LYPD6B: variants seen among roughly 807,000 people sequenced by gnomAD.
The protein encoded by LYPD6B is LY6/PLAUR domain containing 6B.
LYPD6B carries 17 observed loss-of-function variants against 22.8 expected under a neutral mutation model. The ratio of observed to expected loss-of-function variants is 0.75; its 90% CI spans 0.51 to 1.12. The LOEUF (loss-of-function observed/expected upper bound fraction) is 1.12. Ranked by LOEUF, LYPD6B falls within the 50% of genes most tolerant of loss-of-function variation. The pLI is 0.00. For missense variants in LYPD6B, 221 were observed against 258.3 expected (o/e 0.86, Z 0.99); for synonymous variants, 106 against 91.6 (o/e 1.16, Z -0.90).
intron 3 of LYPD6B, among the ~76,000 whole-genome samples, chr2:149,168,640 A>T (rs1690597778): frequency 6.6e-6 from 1 of 152,202 alleles, no homozygotes; most frequent in Non-Finnish European, 1.5e-5. Context: ...CTCTGAATGT[A>T]GGTCTTGCTA....
intron 2 of LYPD6B, among the ~76,000 whole-genome samples, chr2:149,133,199 G>A (rs1045552611): frequency 1.3e-5 from 2 of 152,056 alleles, no homozygotes; most frequent in Non-Finnish European, 2.9e-5. Context: ...AGTTTAATGA[G>A]GTACTAAAAC....
At chr2:149,053,883 T>C (rs1683673362) in intron 1 of LYPD6B, among the ~76,000 whole-genome samples, 1 of 152,240 alleles carries the variant, frequency 6.6e-6, no homozygotes, top group Non-Finnish European at 1.5e-5. Flanking sequence ...GGCATATGCT[T>C]TCAAGGTTTG....
chr2:149,114,243 G>A (rs1036394043), intron 1 of LYPD6B, among the ~76,000 whole-genome samples: 4 of 152,168 alleles, frequency 2.6e-5, no homozygotes, highest in Admixed American at 6.5e-5. Flanking sequence ...ACAACCTTTG[G>A]AGAAAAGTCT....
chr2:149,075,022 A>G (rs1274192121), intron 1 of LYPD6B, among the ~76,000 whole-genome samples: 1 of 152,224 alleles, frequency 6.6e-6, no homozygotes. Flanking sequence ...AAAGAAAACA[A>G]AATGCCTTTT....
chr2:149,104,514 T>C (rs2105504297), intron 1 of LYPD6B, among the ~76,000 whole-genome samples: 1 of 152,212 alleles, frequency 6.6e-6, no homozygotes, highest in Non-Finnish European at 1.5e-5. Context: ...GTGTTATTCA[T>C]CATTTATATA....
At chr2:149,049,151 A>G (rs1485587507) in intron 1 of LYPD6B, among the ~76,000 whole-genome samples, 1 of 152,192 alleles carries the variant, frequency 6.6e-6, no homozygotes. Context: ...ATGTGCCTTC[A>G]GTGGTACACA....
intron 1 of LYPD6B, among the ~76,000 whole-genome samples, chr2:149,046,168 C>T (rs1683295325): frequency 6.6e-6 from 1 of 152,116 alleles, no homozygotes; most frequent in African/African-American, 2.4e-5. Flanking sequence ...TGTTAATATT[C>T]CTTTTTCTGT....
At chr2:149,145,532 AACC>A (rs1688967074) in intron 2 of LYPD6B, among the ~76,000 whole-genome samples, 1 of 152,204 alleles carries the variant, frequency 6.6e-6, no homozygotes, top group African/African-American at 2.4e-5. Flanking sequence ...AAGCCTGAAG[AACC>A]ACATCTGTCT....
rs150011390 is a variant in LYPD6B, at chr2:149,125,937, C to G, written c.-66-4946C>G. ...TAAGAAAATATATTTCTTTCTCATTCTTAAAAAATTTCCTCATTGGGTGTT... is the reference window on the plus strand; with the variant it reads ...TAAGAAAATATATTTCTTTCTCATTGTTAAAAAATTTCCTCATTGGGTGTT... On this transcript the variant is annotated intron_variant, in intron 1 of 6. Coordinates refer to ENST00000409642, the MANE Select transcript of LYPD6B (RefSeq NM_177964.5). Among the ~76,000 whole-genome samples, 515 of 152,182 alleles carry G rather than the reference C, an allele frequency of 3.4e-3. 4 individuals carry two copies. Among genetic ancestry groups the G allele is most frequent in the African/African-American group, 0.012 (488 of 41,526 alleles).
intron 3 of LYPD6B, among the ~76,000 whole-genome samples, chr2:149,176,107 G>A (rs541146319): frequency 2.0e-5 from 3 of 152,286 alleles, no homozygotes; most frequent in South Asian, 4.1e-4. Flanking sequence ...AGCACAGTAA[G>A]TTTGTTTACA....
intron 1 of LYPD6B, among the ~76,000 whole-genome samples, chr2:149,058,462 T>C (rs1683909131): frequency 6.6e-6 from 1 of 152,240 alleles, no homozygotes; most frequent in Non-Finnish European, 1.5e-5. Context: ...TCCATTATTC[T>C]GGGGCTCCCC....
chr2:149,094,295 T>C (rs1186517420), intron 1 of LYPD6B, among the ~76,000 whole-genome samples: 1 of 152,224 alleles, frequency 6.6e-6, no homozygotes, highest in Non-Finnish European at 1.5e-5. Context: ...ATAGGAATGA[T>C]TGAACTCTGG....
Position 149,212,104 on chromosome 2 carries a change from G to A in LYPD6B, c.329-888G>A, listed in dbSNP as rs966501835. Among the ~76,000 whole-genome samples, 14 of 151,800 alleles carry A rather than the reference G, an allele frequency of 9.2e-5. 1 individual carries two copies. The highest frequency in any genetic ancestry group is 5.2e-4 in the Admixed American group (8 of 15,244). On this transcript the variant is annotated intron_variant, in intron 5 of 6. Coordinates refer to ENST00000409642, the MANE Select transcript of LYPD6B (RefSeq NM_177964.5). ...AATTATTAGGTTGGTGCAGCCGGGC[G>A]CGGTGGCTCACGCCTGTAATCCCAG...
chr2:149,172,158 GGAA>G (rs1290309733), intron 3 of LYPD6B, among the ~76,000 whole-genome samples: 1 of 152,196 alleles, frequency 6.6e-6, no homozygotes, highest in African/African-American at 2.4e-5. Context: ...CATGGCGGCA[GGAA>G]GAAGAAGAAT....
chr2:149,142,279 T>C (rs1242504946), intron 2 of LYPD6B: 1 of 152,176 alleles, frequency 6.6e-6, no homozygotes, highest in Admixed American at 6.5e-5. Flanking sequence ...CAAATGTGTA[T>C]TGAGCGCTGG....
chr2:149,168,208 T>C (rs1690560576), intron 3 of LYPD6B, among the ~76,000 whole-genome samples: 2 of 107,080 alleles, frequency 1.9e-5, no homozygotes, highest in Admixed American at 2.2e-4. Context: ...TGAGGCTCTG[T>C]CTCAAAAAAA....
chr2:149,047,706 TTTC>T (rs1179656493), intron 1 of LYPD6B, among the ~76,000 whole-genome samples: 1 of 152,164 alleles, frequency 6.6e-6, no homozygotes, highest in African/African-American at 2.4e-5. Context: ...TTTTCAAATA[TTTC>T]TTCTGCCTAT....
At chr2:149,049,539 T>C (rs1285158849) in intron 1 of LYPD6B, among the ~76,000 whole-genome samples, 20 of 152,196 alleles carry the variant, frequency 1.3e-4, no homozygotes, top group Admixed American at 1.3e-3. Context: ...TCAAAACAGG[T>C]CCCTTAGTAC....
intron 1 of LYPD6B, among the ~76,000 whole-genome samples, chr2:149,124,100 A>G (rs762191549): frequency 6.6e-6 from 1 of 152,138 alleles, no homozygotes; most frequent in Non-Finnish European, 1.5e-5. Flanking sequence ...AGCATACTGA[A>G]CTCTCATAGA....
Sources: gnomAD v4.1 joint callset for allele counts (sites outside exome capture counted in the v4.1 genomes callset) on GRCh38, gnomAD v4.1.1 for gene constraint, MANE v1.5 for transcripts, NCBI Gene and HGNC (gene_info 2026-07-23, HGNC 2026-07-21) for gene names.